The following NTM variants were observed in gnomAD, a reference collection of about 807,000 sequenced individuals.
NTM encodes neurotrimin.
A neutral mutation model predicts 42.1 loss-of-function variants in NTM; 13 were observed. The observed-to-expected ratio is 0.31, with a 90% CI of 0.20 to 0.49. NTM has a LOEUF of 0.49. NTM is among the 20% of genes least tolerant of loss of function. The pLI is 0.99. For missense variants in NTM, 373 were observed against 452.8 expected, an observed-to-expected ratio of 0.82 and a Z score of 1.60; for synonymous variants, 187 against 179.2, an observed-to-expected ratio of 1.04 and a Z score of -0.35.
In NTM at chr11:132,146,732, A is replaced by G; in HGVS notation, c.400+218A>G. On this transcript the variant is annotated intron_variant, in intron 3 of 8. Transcript: ENST00000683400. The surrounding 1 kb of genome is among the most constrained non-coding windows in gnomAD (Gnocchi z 4.5). Reference sequence around the variant, plus strand: ...GAATTGTTTTTTTCATTTTTGTTCCAATAATATATTTTCTCAGGAAATTAT... The same window carrying G: ...GAATTGTTTTTTTCATTTTTGTTCCGATAATATATTTTCTCAGGAAATTAT... 4 of 470,812 alleles carry G rather than the reference A, an allele frequency of 8.5e-6. No homozygotes were observed. Among genetic ancestry groups the G allele is most frequent in the East Asian group, 3.3e-5 (1 of 30,668 alleles). 29.2% of individuals were successfully genotyped at this position (470,812 alleles called of 1,614,324 possible).
In NTM at chr11:131,672,047, G is replaced by A. The variant is rs1019028021; in HGVS notation, c.83-239517G>A. Among the ~76,000 whole-genome samples, 7 of 152,338 alleles carry A rather than the reference G, an allele frequency of 4.6e-5. No individual in the cohort carries two copies. The East Asian group carries it at 5.8e-4, about 13-fold the overall frequency. ...GTGCCCTCGCTGTGTTCCTCTCCACGTGCACATCCCTTTCTCTTTGTCTTT... is the reference window on the plus strand; with the variant it reads ...GTGCCCTCGCTGTGTTCCTCTCCACATGCACATCCCTTTCTCTTTGTCTTT... On this transcript the variant is annotated intron_variant, in intron 1 of 8. Coordinates refer to ENST00000683400, the MANE Select transcript of NTM (RefSeq NM_001352005.2).
intron 1 of NTM, among the ~76,000 whole-genome samples, chr11:131,611,036 C>A (rs1418763587): frequency 6.6e-6 from 1 of 151,936 alleles, no homozygotes. Flanking sequence ...CTGAGGGGAA[C>A]CTGGACTGAG....
rs1400033708 is a variant in NTM at position 131,854,459 on chromosome 11, C to T, written c.83-57105C>T. On this transcript the variant is annotated intron_variant, in intron 1 of 8. Coordinates refer to ENST00000683400, the MANE Select transcript of NTM (RefSeq NM_001352005.2). ...AGGTAAAGTCTTTCCGAGGATGTGA[C>T]ATTTCAGTTGAAATCTGAAGGAAGA... 2.0e-5 allele frequency among the ~76,000 whole-genome samples: 3 copies of T among 152,318 alleles called. No homozygotes were observed. In the East Asian group the frequency reaches 5.8e-4, roughly 29 times the overall value.
At chr11:132,292,118 T>G (rs1249036178) in intron 4 of NTM, among the ~76,000 whole-genome samples, 1 of 152,142 alleles carries the variant, frequency 6.6e-6, no homozygotes, top group Non-Finnish European at 1.5e-5. Context: ...AGGTAGCTGA[T>G]GAAGGGAATT....
intron 4 of NTM, among the ~76,000 whole-genome samples, chr11:132,241,623 C>T (rs1367521582): frequency 1.3e-5 from 2 of 152,178 alleles, no homozygotes; most frequent in Non-Finnish European, 2.9e-5. Flanking sequence ...CTTGCCATGA[C>T]CTCTTGCATG....
intron 3 of NTM, among the ~76,000 whole-genome samples, chr11:132,206,550 T>C (rs2082016583): frequency 6.6e-6 from 1 of 152,228 alleles, no homozygotes; most frequent in Non-Finnish European, 1.5e-5. Flanking sequence ...AGCTCCATTT[T>C]ATAAATGTGG....
chr11:131,707,480 T>C (rs1053677510), intron 1 of NTM, among the ~76,000 whole-genome samples: 5 of 152,136 alleles, frequency 3.3e-5, no homozygotes, highest in Admixed American at 6.5e-5. Flanking sequence ...CTCTTCAATA[T>C]ACCAATGTCA....
At position 131,420,668 on chromosome 11, in the gene NTM, C is replaced by A. The variant is rs547919533; in HGVS notation, c.82+49780C>A. 3.3e-5 allele frequency among the ~76,000 whole-genome samples: 5 copies of A among 152,290 alleles called. No homozygotes were observed. The South Asian group carries it at 8.3e-4, about 25-fold the overall frequency. ...GGCTCCCATTCTCATGCATCCCTGG[C>A]TCTTTCCCTTCTGCAGAGCAGCCAT... On this transcript the variant is annotated intron_variant, in intron 1 of 8. Transcript: ENST00000683400.
chr11:131,904,654 T>C (rs1389062864), intron 1 of NTM, among the ~76,000 whole-genome samples: 5 of 152,204 alleles, frequency 3.3e-5, no homozygotes, highest in African/African-American at 7.2e-5. Context: ...AGGCTTATGG[T>C]AGGAGGTCAG....
intron 2 of NTM, among the ~76,000 whole-genome samples, chr11:132,110,417 C>G (rs7108199): frequency 0.4 from 61,192 of 152,018 alleles, 13,034 homozygotes; most frequent in African/African-American, 0.54. Flanking sequence ...ACTGAATTGT[C>G]GACATATGGC....
intron 4 of NTM, among the ~76,000 whole-genome samples, chr11:132,283,524 C>T (rs1213164029): frequency 2.6e-5 from 4 of 151,880 alleles, no homozygotes; most frequent in African/African-American, 4.8e-5. Flanking sequence ...TCAAGGAGCT[C>T]GGGATGATGT....
chr11:131,737,610 A>G (rs763140793), intron 1 of NTM, among the ~76,000 whole-genome samples: 1 of 152,156 alleles, frequency 6.6e-6, no homozygotes, highest in Non-Finnish European at 1.5e-5. Flanking sequence ...GGGAAGATGA[A>G]TAGATCTGGG....
intron 2 of NTM, among the ~76,000 whole-genome samples, chr11:131,960,688 G>A (rs1332446019): frequency 6.6e-6 from 1 of 152,198 alleles, no homozygotes; most frequent in Non-Finnish European, 1.5e-5. Flanking sequence ...TTTTCCTCAT[G>A]AAGAGGATTT....
chr11:132,075,764 C>A (rs780656367), intron 2 of NTM, among the ~76,000 whole-genome samples: 3 of 152,158 alleles, frequency 2.0e-5, no homozygotes, highest in Non-Finnish European at 4.4e-5. Context: ...AAGGATAATT[C>A]TTTTCTCTCC....
chr11:131,651,806 G>A (rs1344150249), intron 1 of NTM, among the ~76,000 whole-genome samples: 1 of 151,792 alleles, frequency 6.6e-6, no homozygotes, highest in Non-Finnish European at 1.5e-5. Flanking sequence ...ACGCCACTAC[G>A]CTACAGTCTG....
chr11:132,327,222 C>T (rs1424615117), intron 7 of NTM, among the ~76,000 whole-genome samples: 1 of 152,218 alleles, frequency 6.6e-6, no homozygotes, highest in East Asian at 1.9e-4. Flanking sequence ...CTCAGCGGCT[C>T]CGTGGCTGTT....
At chr11:131,987,756 G>C (rs1052180729) in intron 2 of NTM, among the ~76,000 whole-genome samples, 5 of 152,130 alleles carry the variant, frequency 3.3e-5, no homozygotes, top group Non-Finnish European at 5.9e-5. Flanking sequence ...TGATGAGGCT[G>C]AAAAAAAGTC....
intron 1 of NTM, among the ~76,000 whole-genome samples, chr11:131,714,688 C>T (rs966756773): frequency 1.3e-5 from 2 of 152,158 alleles, no homozygotes; most frequent in Admixed American, 1.3e-4. Context: ...TAAACACATG[C>T]CACTATTTGG....
intron 4 of NTM, among the ~76,000 whole-genome samples, chr11:132,290,655 CT>C (rs1336832035): frequency 6.6e-6 from 1 of 152,148 alleles, no homozygotes; most frequent in African/African-American, 2.4e-5. Context: ...TACAGAAATA[CT>C]ATCTCTCTTT....
Sources: gnomAD v4.1 joint callset for allele counts (sites outside exome capture counted in the v4.1 genomes callset) on GRCh38, gnomAD v4.1.1 for gene constraint, Gnocchi (gnomAD v3.1) non-coding constraint, MANE v1.5 for transcripts, NCBI Gene and HGNC (gene_info 2026-07-23, HGNC 2026-07-21) for gene names.